IL15RA: variants seen among roughly 807,000 people sequenced by gnomAD.
IL15RA encodes the protein interleukin-15 receptor subunit alpha.
Under a neutral mutation model 24.2 loss-of-function variants are expected in IL15RA, and 26 were observed. That is an observed-to-expected ratio of 1.07 (90% CI 0.79 to 1.49). IL15RA has a LOEUF of 1.49. IL15RA is among the 40% of genes most tolerant of loss of function. IL15RA has a pLI of 0.00. For missense variants in IL15RA, 354 were observed against 356.4 expected (o/e 0.99, Z 0.05); for synonymous variants, 166 against 157.6 (o/e 1.05, Z -0.40).
chr10:5,974,461 A>G (rs1265807032), intron 1 of IL15RA, among the ~76,000 whole-genome samples: 1 of 152,208 alleles, frequency 6.6e-6, no homozygotes. Flanking sequence ...GGGTAAAATT[A>G]AAAAGATTCA....
Position 5,960,297 on chromosome 10 carries a change from C to A in IL15RA, c.583+70G>T. 2 of 1,384,464 alleles carry A rather than the reference C, an allele frequency of 1.4e-6. No individual in the cohort carries two copies. The highest frequency in any genetic ancestry group is 2.3e-5 in the South Asian group (2 of 85,432). The allele number at this position is 1,384,464 out of a possible 1,614,324, so 85.8% of individuals were successfully genotyped here. A position where few individuals can be genotyped will look rare whatever the true frequency, so the allele number is the denominator to read the frequency against. On this transcript the variant is annotated intron_variant, in intron 4 of 6. Coordinates refer to ENST00000379977, the MANE Select transcript of IL15RA (RefSeq NM_002189.4). This position sits in a 1 kb window ranked among gnomAD's most constrained non-coding sequence, Gnocchi z 5.1. Reference sequence around the variant, plus strand: ...TTGATGGTATAAAGCTGCCTTGTGCCGGATCTCAGCCCCGATCTCAGAAGC... The same window carrying A: ...TTGATGGTATAAAGCTGCCTTGTGCAGGATCTCAGCCCCGATCTCAGAAGC...
chr10:5,964,749 C>T lies in IL15RA; in HGVS notation c.284-908G>A, dbSNP rs1430532534. On this transcript the variant is annotated intron_variant, in intron 2 of 6. Coordinates refer to ENST00000379977, the MANE Select transcript of IL15RA (RefSeq NM_002189.4). The surrounding 1 kb of genome is among the most constrained non-coding windows in gnomAD (Gnocchi z 5.6). ...TGACTTGCCCTGCAGTGAGAAAGCC[C>T]TCATTTTACCTCGGGCAGACAGGTT... is the stretch of plus-strand genomic sequence containing the variant. Among the ~76,000 whole-genome samples the T allele has an allele frequency of 6.6e-6, 1 of 152,214 alleles. No individual in the cohort carries two copies. Among genetic ancestry groups the T allele is most frequent in the Non-Finnish European group, 1.5e-5 (1 of 68,032 alleles).
At position 5,975,334 on chromosome 10, in the gene IL15RA, G is replaced by A. The variant is rs189263721; in HGVS notation, c.88+2071C>T. Reference sequence around the variant, plus strand: ...ACTGTCTGTGAAAAAAGCCAAACAAGAAAGAGTTCCTACCGTGTAATTCTA... The same window carrying A: ...ACTGTCTGTGAAAAAAGCCAAACAAAAAAGAGTTCCTACCGTGTAATTCTA... On this transcript the variant is annotated intron_variant, in intron 1 of 6. Transcript: ENST00000379977. This position sits in a 1 kb window ranked among gnomAD's most constrained non-coding sequence, Gnocchi z 4.8. Among the ~76,000 whole-genome samples, 5 of 152,304 alleles carry A rather than the reference G, an allele frequency of 3.3e-5. No homozygotes were observed. The highest frequency in any genetic ancestry group is 3.3e-4 in the Admixed American group (5 of 15,300).
rs1040540956 is a variant in IL15RA, at chr10:5,962,397, G to A, written c.382+1346C>T. The stretch of plus-strand genomic sequence containing the variant: ...ACCTGAGGTCAGGAGTTTGAGACCA[G>A]ACTGACCAACATGGTGAAACCCTGT... On this transcript the variant is annotated intron_variant, in intron 3 of 6. Coordinates refer to ENST00000379977, the MANE Select transcript of IL15RA (RefSeq NM_002189.4). The surrounding 1 kb of genome is among the most constrained non-coding windows in gnomAD (Gnocchi z 5.2). Among the ~76,000 whole-genome samples the A allele has an allele frequency of 6.6e-6, 1 of 152,088 alleles. No individual in the cohort carries two copies. The highest frequency in any genetic ancestry group is 1.5e-5 in the Non-Finnish European group (1 of 68,006).
Position 5,966,183 on chromosome 10 carries a change from T to A in IL15RA, c.245A>T (p.Asn82Ile). 6.2e-7 allele frequency: 1 copy of A among 1,612,944 alleles called. No individual in the cohort carries two copies. Among genetic ancestry groups the A allele is most frequent in the Non-Finnish European group, 8.5e-7 (1 of 1,178,980 alleles). The change falls in exon 2 of 7, where the codon AAT becomes ATT. Residue 82 changes from asparagine to isoleucine, a missense_variant. Physicochemically the swap from Asn to Ile is moderately radical, Grantham distance 149 (BLOSUM62 -3). Transcript: ENST00000379977. The surrounding 1 kb of genome is among the most constrained non-coding windows in gnomAD (Gnocchi z 6.4). ...LTECVLNKAT[N>I]VAHWTTPSLK... ...ACTGGGGGTTGTCCAGTGGGCGACA[T>A]TCGTGGCCTTGTTCAACACGCACTC... is the stretch of plus-strand genomic sequence containing the variant.
In IL15RA at chr10:5,975,040, T is replaced by C. The variant is rs1838202385; in HGVS notation, c.88+2365A>G. ...GTTTCAAAAAAAAAAAAATTAAACA[T>C]ACACCTGCCATATAACACAGCCACT... On this transcript the variant is annotated intron_variant, in intron 1 of 6. Coordinates refer to ENST00000379977, the MANE Select transcript of IL15RA (RefSeq NM_002189.4). The surrounding 1 kb of genome is among the most constrained non-coding windows in gnomAD (Gnocchi z 4.8). Among the ~76,000 whole-genome samples the C allele has an allele frequency of 6.6e-6, 1 of 150,864 alleles. No homozygotes were observed. Among genetic ancestry groups the C allele is most frequent in the Non-Finnish European group, 1.5e-5 (1 of 67,680 alleles).
At chr10:5,954,586 A>G (rs1367511444) in intron 6 of IL15RA, among the ~76,000 whole-genome samples, 3 of 152,020 alleles carry the variant, frequency 2.0e-5, no homozygotes, top group Non-Finnish European at 4.4e-5. Context: ...AAGCCACCAT[A>G]CCCAACTGAG....
Position 5,966,453 on chromosome 10 carries a change from C to G in IL15RA, c.89-114G>C. ...AGCTTATCCTAGGGGTGCCTCAGGACAAGCCCCAGGTGCCAGGCACGTGGA... is the reference window on the plus strand; with the variant it reads ...AGCTTATCCTAGGGGTGCCTCAGGAGAAGCCCCAGGTGCCAGGCACGTGGA... On this transcript the variant is annotated intron_variant, in intron 1 of 6. Transcript: ENST00000379977. The surrounding 1 kb of genome is among the most constrained non-coding windows in gnomAD (Gnocchi z 6.4). The G allele has an allele frequency of 1.2e-6, 1 of 836,320 alleles. No homozygotes were observed. Among genetic ancestry groups the G allele is most frequent in the East Asian group, 2.6e-5 (1 of 37,896 alleles). The allele number at this position is 836,320 out of a possible 1,614,324, so 51.8% of individuals were successfully genotyped here.
rs529606393 is a variant in IL15RA, at chr10:5,964,932, C to T, written c.284-1091G>A. ...GAACAAGTCGGAGGCTTCCTCCCTG[C>T]CTTCCCTCTGCTGCCTGTGTGACTC... is the stretch of plus-strand genomic sequence containing the variant. On this transcript the variant is annotated intron_variant, in intron 2 of 6. Coordinates refer to ENST00000379977, the MANE Select transcript of IL15RA (RefSeq NM_002189.4). The surrounding 1 kb of genome is among the most constrained non-coding windows in gnomAD (Gnocchi z 5.6). Among the ~76,000 whole-genome samples the T allele has an allele frequency of 6.6e-6, 1 of 152,342 alleles. No homozygotes were observed. Among genetic ancestry groups the T allele is most frequent in the East Asian group, 1.9e-4 (1 of 5,192 alleles).
chr10:5,957,243 G>A (rs1324123270), intron 5 of IL15RA, among the ~76,000 whole-genome samples: 1 of 152,004 alleles, frequency 6.6e-6, no homozygotes, highest in Non-Finnish European at 1.5e-5. Context: ...TTACAGGCAT[G>A]AGCCACTGCG....
rs561119845 is a variant in IL15RA, at chr10:5,965,136, G to A, written c.283+1009C>T. ...CTGGGGAAGGAGAGAAGCCTGCAGAGGTGGGCCTGAGTGTTCCAGAAACAG... is the reference window on the plus strand; with the variant it reads ...CTGGGGAAGGAGAGAAGCCTGCAGAAGTGGGCCTGAGTGTTCCAGAAACAG... On this transcript the variant is annotated intron_variant, in intron 2 of 6. Coordinates refer to ENST00000379977, the MANE Select transcript of IL15RA (RefSeq NM_002189.4). This position sits in a 1 kb window ranked among gnomAD's most constrained non-coding sequence, Gnocchi z 5.8. Among the ~76,000 whole-genome samples the A allele has an allele frequency of 1.4e-4, 21 of 152,324 alleles. No individual in the cohort carries two copies. In the South Asian group the frequency reaches 4.4e-3, roughly 32 times the overall value.
chr10:5,949,166 C>T (rs1160908479), downstream of IL15RA: 1 of 469,122 alleles, frequency 2.1e-6, no homozygotes, highest in African/African-American at 2.0e-5. The surrounding 1 kb of genome is among the most constrained non-coding windows in gnomAD (Gnocchi z 4.4). Flanking sequence ...GGTGTCTTCC[C>T]TATAGACATC....
rs187481323 is a variant in IL15RA, at chr10:5,971,753, A to T, written c.89-5414T>A. Reference sequence around the variant, plus strand: ...CCCCGCTGAAATGTCAGCCAAGTCAACACACTTCCTTTTGGAGTTCCCAAA... The same window carrying T: ...CCCCGCTGAAATGTCAGCCAAGTCATCACACTTCCTTTTGGAGTTCCCAAA... On this transcript the variant is annotated intron_variant, in intron 1 of 6. Coordinates refer to ENST00000379977, the MANE Select transcript of IL15RA (RefSeq NM_002189.4). This position sits in a 1 kb window ranked among gnomAD's most constrained non-coding sequence, Gnocchi z 5.5. 5.3e-4 allele frequency among the ~76,000 whole-genome samples: 81 copies of T among 152,272 alleles called. No individual in the cohort carries two copies. Among genetic ancestry groups the T allele is most frequent in the Non-Finnish European group, 9.7e-4 (66 of 68,018 alleles).
chr10:5,977,830 T>C (rs931203330), upstream of IL15RA: 10 of 399,054 alleles, frequency 2.5e-5, no homozygotes, highest in South Asian at 1.4e-4. Context: ...CTCTGGGACC[T>C]CCAGTGTGCA....
At chr10:5,954,297 A>G (rs568691825) in intron 6 of IL15RA, among the ~76,000 whole-genome samples, 157 of 149,978 alleles carry the variant, frequency 1.0e-3, no homozygotes, top group Admixed American at 1.7e-3. Flanking sequence ...TATTTTTTGT[A>G]GAGATCAGGT....
Position 5,973,616 on chromosome 10 carries a change from C to A in IL15RA, c.88+3789G>T, listed in dbSNP as rs1319361754. ...TTGGATATGCATATATAGAAACAAACAAAATCCCAAAACAACCTTTAATTC... is the reference window on the plus strand; with the variant it reads ...TTGGATATGCATATATAGAAACAAAAAAAATCCCAAAACAACCTTTAATTC... On this transcript the variant is annotated intron_variant, in intron 1 of 6. Coordinates refer to ENST00000379977, the MANE Select transcript of IL15RA (RefSeq NM_002189.4). The surrounding 1 kb of genome is among the most constrained non-coding windows in gnomAD (Gnocchi z 4.5). Among the ~76,000 whole-genome samples, 2 of 152,202 alleles carry A rather than the reference C, an allele frequency of 1.3e-5. No homozygotes were observed. Among genetic ancestry groups the A allele is most frequent in the South Asian group, 4.1e-4 (2 of 4,828 alleles).
In IL15RA at chr10:5,960,308, C is replaced by T; in HGVS notation, c.583+59G>A. On this transcript the variant is annotated intron_variant, in intron 4 of 6. Coordinates refer to ENST00000379977, the MANE Select transcript of IL15RA (RefSeq NM_002189.4). This position sits in a 1 kb window ranked among gnomAD's most constrained non-coding sequence, Gnocchi z 5.1. ...AAGCTGCCTTGTGCCGGATCTCAGC[C>T]CCGATCTCAGAAGCAGCAATGGGGA... The T allele has an allele frequency of 1.4e-6, 2 of 1,456,778 alleles. No homozygotes were observed. The highest frequency in any genetic ancestry group is 1.7e-5 in the Admixed American group (1 of 59,746). 90.2% of individuals were successfully genotyped at this position (1,456,778 alleles called of 1,614,324 possible).
rs1372275998 is a variant in IL15RA at position 5,955,305 on chromosome 10, G to C, written c.692+1074C>G. Among the ~76,000 whole-genome samples, 1 of 151,948 alleles carries C rather than the reference G, an allele frequency of 6.6e-6. No homozygotes were observed. The highest frequency in any genetic ancestry group is 2.4e-5 in the African/African-American group (1 of 41,330). On this transcript the variant is annotated intron_variant, in intron 6 of 6. Coordinates refer to ENST00000379977, the MANE Select transcript of IL15RA (RefSeq NM_002189.4). The surrounding 1 kb of genome is among the most constrained non-coding windows in gnomAD (Gnocchi z 5.3). Reference sequence around the variant, plus strand: ...GTAGAGACAGGGTTTCTCCATGTTGGTCAGGCTGGTCTCGAACTCCTGACC... The same window carrying C: ...GTAGAGACAGGGTTTCTCCATGTTGCTCAGGCTGGTCTCGAACTCCTGACC...
In IL15RA at chr10:5,966,302, T is replaced by C; in HGVS notation, c.126A>G (p.Ala42=). 1.2e-6 allele frequency: 2 copies of C among 1,612,758 alleles called. No homozygotes were observed. Among genetic ancestry groups the C allele is most frequent in the Non-Finnish European group, 1.7e-6 (2 of 1,178,846 alleles). ...TCPPPMSVEH[A]DIWVKSYSLY... is the part of the protein sequence containing the mutation. ...AGCTGTAGCTCTTGACCCAGATGTC[T>C]GCGTGTTCCACGGACATGGGGGGAG... Residue 42 remains alanine (A), a synonymous_variant, in exon 2 of 7, where the codon GCA becomes GCG. Coordinates refer to ENST00000379977, the MANE Select transcript of IL15RA (RefSeq NM_002189.4). The surrounding 1 kb of genome is among the most constrained non-coding windows in gnomAD (Gnocchi z 6.4).
Sources: gnomAD v4.1 joint callset for allele counts (sites outside exome capture counted in the v4.1 genomes callset) on GRCh38, gnomAD v4.1.1 for gene constraint, Gnocchi (gnomAD v3.1) non-coding constraint, MANE v1.5 for transcripts, NCBI Gene and HGNC (gene_info 2026-07-23, HGNC 2026-07-21) for gene names.